Variants in FIRRM observed in about 807,000 individuals in gnomAD.
FIRRM encodes the protein FIGNL1 interacting regulator of recombination and mitosis.
chr1:169,827,717 C>T, the FIRRM span: 1 of 1,613,912 alleles, frequency 6.2e-7, no homozygotes, highest in Non-Finnish European at 8.5e-7. Flanking sequence ...TAAGACCTGC[C>T]ATGTGAACTG....
chr1:169,843,286 A>G, the FIRRM span, among the ~76,000 whole-genome samples: 1 of 152,222 alleles, frequency 6.6e-6, no homozygotes, highest in Non-Finnish European at 1.5e-5. Context: ...TGCTGGAGAT[A>G]TAGCTTACAA....
At chr1:169,852,652 G>C in the FIRRM span, 1 of 804,268 alleles carries the variant, frequency 1.2e-6, no homozygotes, top group Non-Finnish European at 2.0e-6. Context: ...GACTGTGTAG[G>C]GGTTTTGGGG....
chr1:169,811,020 C>T, the FIRRM span, among the ~76,000 whole-genome samples: 1,466 of 151,166 alleles, frequency 9.7e-3, 23 homozygotes, highest in African/African-American at 0.033. Flanking sequence ...CCACCGCGCC[C>T]GGCTAATTTT....
chr1:169,853,067 A>G, the FIRRM span: 3 of 1,411,414 alleles, frequency 2.1e-6, no homozygotes, highest in Non-Finnish European at 3.0e-6. Context: ...AACAGATATA[A>G]AACAAATTTT....
the FIRRM span, chr1:169,847,836 A>G: frequency 7.0e-7 from 1 of 1,421,822 alleles, no homozygotes; most frequent in Non-Finnish European, 9.9e-7. Context: ...TTGTATTATT[A>G]AAACAAAATC....
chr1:169,836,079 T>A, the FIRRM span, among the ~76,000 whole-genome samples: 1 of 151,868 alleles, frequency 6.6e-6, no homozygotes, highest in Non-Finnish European at 1.5e-5. Flanking sequence ...TTTGGTGGGT[T>A]TTTAGTTTTT....
chr1:169,785,450 A>G, the FIRRM span, among the ~76,000 whole-genome samples: 1 of 151,986 alleles, frequency 6.6e-6, no homozygotes, highest in Non-Finnish European at 1.5e-5. Flanking sequence ...TGAATGTGGG[A>G]GTTTTATGGA....
the FIRRM span, among the ~76,000 whole-genome samples, chr1:169,785,422 A>G: frequency 2.0e-5 from 3 of 152,218 alleles, no homozygotes; most frequent in Non-Finnish European, 4.4e-5. Flanking sequence ...GAATCAGGTT[A>G]CACATGGACT....
At chr1:169,803,266 C>T in the FIRRM span, 1 of 1,613,896 alleles carries the variant, frequency 6.2e-7, no homozygotes, top group South Asian at 1.1e-5. Flanking sequence ...AGTCTCCCCT[C>T]CTCAGTCCTT....
At chr1:169,793,143 T>C in the FIRRM span, 1 of 1,614,212 alleles carries the variant, frequency 6.2e-7, no homozygotes, top group Non-Finnish European at 8.5e-7. Flanking sequence ...CCAGCAAATT[T>C]CACTTTGGCC....
At chr1:169,853,401 C>T in the FIRRM span, 1 of 359,516 alleles carries the variant, frequency 2.8e-6, no homozygotes, top group East Asian at 5.1e-5. Flanking sequence ...TCTTTACTTC[C>T]AGAATTGTCC....
chr1:169,848,514 C>G, the FIRRM span, among the ~76,000 whole-genome samples: 3 of 152,182 alleles, frequency 2.0e-5, no homozygotes, highest in African/African-American at 7.2e-5. Context: ...TATCTCAGAA[C>G]ATGTAGATTA....
chr1:169,794,519 T>G, the FIRRM span: 1 of 153,898 alleles, frequency 6.5e-6, no homozygotes, highest in Non-Finnish European at 1.5e-5. Context: ...CCTGTAGAAA[T>G]AAGAAGCAAC....
the FIRRM span, chr1:169,795,016 G>T: frequency 3.8e-6 from 4 of 1,050,498 alleles, no homozygotes. Flanking sequence ...TGGAGCCGGC[G>T]GAGAGCGCGC....
At chr1:169,836,317 C>CAA in the FIRRM span, among the ~76,000 whole-genome samples, 7 of 152,122 alleles carry the variant, frequency 4.6e-5, no homozygotes, top group Non-Finnish European at 1.0e-4. Context: ...TGCATTTTAA[C>CAA]AAAACAGTAC....
At chr1:169,818,641 A>G in the FIRRM span, among the ~76,000 whole-genome samples, 1 of 152,212 alleles carries the variant, frequency 6.6e-6, no homozygotes, top group African/African-American at 2.4e-5. Flanking sequence ...AATATACAGA[A>G]GAAGAGATCC....
chr1:169,848,684 A>G, the FIRRM span, among the ~76,000 whole-genome samples: 1 of 152,350 alleles, frequency 6.6e-6, no homozygotes, highest in South Asian at 2.1e-4. Flanking sequence ...ATCCAAAGAC[A>G]CTTGGCATCT....
the FIRRM span, among the ~76,000 whole-genome samples, chr1:169,838,639 G>A: frequency 2.0e-4 from 30 of 152,004 alleles, no homozygotes; most frequent in South Asian, 4.2e-4. Flanking sequence ...ACAGGCACCC[G>A]CCACCATGCC....
At chr1:169,811,809 TAGAC>T in the FIRRM span, among the ~76,000 whole-genome samples, 239 of 141,922 alleles carry the variant, frequency 1.7e-3, no homozygotes, top group East Asian at 0.021. Flanking sequence ...AAATAGATAA[TAGAC>T]AGATTATCTA....
Sources: allele counts gnomAD v4.1 joint callset (sites outside exome capture counted in the v4.1 genomes callset), GRCh38; gene constraint gnomAD v4.1.1; transcripts MANE v1.5; gene names NCBI Gene and HGNC (gene_info 2026-07-23, HGNC 2026-07-21).